The following WT1 variants were observed in gnomAD, a reference collection of about 807,000 sequenced individuals.
WT1 encodes the protein WT1 transcription factor.
A neutral mutation model predicts 60.8 loss-of-function variants in WT1; 8 were observed. That is an observed-to-expected ratio of 0.13 (90% CI 0.08 to 0.24). WT1 has a LOEUF of 0.24. Among genes scored for constraint, WT1 ranks in the 10% least tolerant of loss-of-function variants. WT1 has a pLI of 1.00. For synonymous variants in WT1, 312 were observed against 297.1 expected (o/e 1.05, Z -0.52); for missense variants, 568 against 711.8 (o/e 0.80, Z 2.30).
chr11:32,407,463 T>C (rs1444823479), intron 5 of WT1, among the ~76,000 whole-genome samples: 1 of 152,190 alleles, frequency 6.6e-6, no homozygotes, highest in Non-Finnish European at 1.5e-5. Flanking sequence ...AGCATTCATA[T>C]GAATATTCAA....
In WT1 at chr11:32,434,969, G is replaced by T. The variant is rs1443423967; in HGVS notation, c.392C>A (p.Pro131Gln). The change falls in exon 1 of 10, where the codon CCG (proline) becomes CAG (glutamine). Residue 131 changes from proline to glutamine, a missense_variant. Coordinates refer to ENST00000452863, the MANE Select transcript of WT1 (RefSeq NM_024426.6). ...CGGCGGCGGGGGTGGCGGCGGAGCC[G>T]GTGGCGGCGCGGGGCCGCCCAACGA... 6.5e-7 allele frequency: 1 copy of T among 1,539,630 alleles called. No homozygotes were observed. Among genetic ancestry groups the T allele is most frequent in the South Asian group, 1.2e-5 (1 of 84,238 alleles).
intron 1 of WT1, among the ~76,000 whole-genome samples, chr11:32,434,433 C>T (rs1853416386): frequency 6.6e-6 from 1 of 152,258 alleles, no homozygotes; most frequent in African/African-American, 2.4e-5. Flanking sequence ...CTCTCGGACT[C>T]TAAGGGGCCC....
At chr11:32,429,474 C>G (rs988731617) in intron 1 of WT1, among the ~76,000 whole-genome samples, 8 of 140,058 alleles carry the variant, frequency 5.7e-5, no homozygotes, top group East Asian at 4.3e-4. Flanking sequence ...CCCCCCCCCC[C>G]CAAAGTGAGA....
At chr11:32,401,510 G>C (rs1393666670) in intron 5 of WT1, among the ~76,000 whole-genome samples, 1 of 151,808 alleles carries the variant, frequency 6.6e-6, no homozygotes, top group Non-Finnish European at 1.5e-5. Flanking sequence ...ATTATCGGGG[G>C]GGGGTGTGGT....
intron 2 of WT1, among the ~76,000 whole-genome samples, chr11:32,428,295 T>TG (rs1853132185): frequency 6.6e-6 from 1 of 152,244 alleles, no homozygotes; most frequent in Non-Finnish European, 1.5e-5. Context: ...TAGACTTAGT[T>TG]GGATGGCGAT....
In WT1 at chr11:32,428,809, CTTGGGA is replaced by C. The variant is rs1371108885; in HGVS notation, c.662-196_662-191del. The C allele has an allele frequency of 3.2e-5, 26 of 819,136 alleles. No individual in the cohort carries two copies. In the African/African-American group the frequency reaches 3.9e-4, roughly 12 times the overall value. 50.7% of individuals were successfully genotyped at this position (819,136 alleles called of 1,614,324 possible). A position where few individuals can be genotyped will look rare whatever the true frequency, so the allele number is the denominator to read the frequency against. ...GACGGCCCAAGTCCCTGGATGTGACCTTGGGACAGGCTTCTCCATCCTTTTCTGACT... is the reference window on the plus strand; with the variant it reads ...GACGGCCCAAGTCCCTGGATGTGACCCAGGCTTCTCCATCCTTTTCTGACT... On this transcript the variant is annotated intron_variant, in intron 1 of 9. Transcript: ENST00000452863.
At chr11:32,416,079 G>A (rs370356248) in intron 5 of WT1, among the ~76,000 whole-genome samples, 1 of 152,148 alleles carries the variant, frequency 6.6e-6, no homozygotes, top group South Asian at 2.1e-4. Flanking sequence ...TCAAAGCCTG[G>A]CCTCAGACTT....
At chr11:32,429,462 T>TTCCCC (rs1491447843) in intron 1 of WT1, among the ~76,000 whole-genome samples, 1 of 124,630 alleles carries the variant, frequency 8.0e-6, no homozygotes, top group Non-Finnish European at 1.7e-5. Context: ...ATCCTAGCAT[T>TTCCCC]CCCCCCCCCC....
At chr11:32,419,257 G>C (rs1361581193) in intron 3 of WT1, among the ~76,000 whole-genome samples, 1 of 152,186 alleles carries the variant, frequency 6.6e-6, no homozygotes, top group African/African-American at 2.4e-5. Flanking sequence ...TCTTTGGGCT[G>C]ACAGTTCATT....
intron 6 of WT1, among the ~76,000 whole-genome samples, chr11:32,396,809 T>A (rs1286714443): frequency 6.6e-6 from 1 of 151,980 alleles, no homozygotes; most frequent in Non-Finnish European, 1.5e-5. Context: ...CCACTTGGAG[T>A]CATGACCACA....
chr11:32,420,332 C>A (rs564076201), intron 3 of WT1, among the ~76,000 whole-genome samples: 34 of 152,128 alleles, frequency 2.2e-4, no homozygotes, highest in Non-Finnish European at 4.0e-4. Flanking sequence ...CCCTGCCCCT[C>A]AGTTTTCTCA....
At chr11:32,430,455 GGAGAGA>G (rs529663782) in intron 1 of WT1, 70,920 of 864,218 alleles carry the variant, frequency 0.082, 82 homozygotes, top group South Asian at 0.093. Flanking sequence ...AGAGAGGGAG[GGAGAGA>G]GAGAGAGAGA....
rs760219458 is a variant in WT1, at chr11:32,417,601, A to G, written c.941T>C (p.Met314Thr). 1 of 1,614,098 alleles carries G rather than the reference A, an allele frequency of 6.2e-7. No homozygotes were observed. Residue 314 changes from methionine (M) to threonine (T), a missense_variant, in exon 4 of 10, where the codon ATG (methionine) becomes ACG (threonine). Met to Thr is a moderately conservative substitution (Grantham distance 81). Transcript: ENST00000452863. ...CCCCTTTAAGGTGGCTCCTAAGTTCATCTGATTCCAGGTCATGCATTCAAG... is the reference window on the plus strand; with the variant it reads ...CCCCTTTAAGGTGGCTCCTAAGTTCGTCTGATTCCAGGTCATGCATTCAAG...
At position 32,394,145 on chromosome 11, in the gene WT1, C is replaced by T. The variant is rs142369964; in HGVS notation, c.1265-1390G>A. Among the ~76,000 whole-genome samples the T allele has an allele frequency of 6.5e-3, 997 of 152,270 alleles. 6 individuals carry two copies. Among genetic ancestry groups the T allele is most frequent in the African/African-American group, 0.023 (961 of 41,552 alleles). ...ACCCCTTAAGCAATCCTCCCGCCTA[C>T]GCCTCCCAACATACTGGGATTACAG... On this transcript the variant is annotated intron_variant, in intron 7 of 9. Coordinates refer to ENST00000452863, the MANE Select transcript of WT1 (RefSeq NM_024426.6).
rs75870920 is a variant in WT1, at chr11:32,430,792, C to T, written c.662-2173G>A. The T allele has an allele frequency of 7.0e-3, 9,141 of 1,313,852 alleles. 506 individuals carry two copies. The African/African-American group carries it at 0.12, about 17-fold the overall frequency. 81.4% of individuals were successfully genotyped at this position (1,313,852 alleles called of 1,614,324 possible). A position where few individuals can be genotyped will look rare whatever the true frequency, so the allele number is the denominator to read the frequency against. The stretch of plus-strand genomic sequence containing the variant: ...TCAAACCCTCTCCTTCAGGTCCCCC[C>T]GGGAGGGGCAGTGGTGAAAGCGCCT... On this transcript the variant is annotated intron_variant, in intron 1 of 9. Transcript: ENST00000452863.
In WT1 at chr11:32,426,684, GA is replaced by G. The variant is rs1286945166; in HGVS notation, c.887+1271del. Among the ~76,000 whole-genome samples, 31 of 151,018 alleles carry G rather than the reference GA, an allele frequency of 2.1e-4. No individual in the cohort carries two copies. The Middle Eastern group carries it at 0.01, about 51-fold the overall frequency. On this transcript the variant is annotated intron_variant, in intron 3 of 9. Coordinates refer to ENST00000452863, the MANE Select transcript of WT1 (RefSeq NM_024426.6). ...AATAGATAAACCGGATGTTCCGGGG[GA>G]AAAAAAGGAAAAAAAAAGGTTTCTC...
intron 5 of WT1, among the ~76,000 whole-genome samples, chr11:32,414,210 CT>C (rs1852592487): frequency 1.3e-5 from 2 of 152,182 alleles, no homozygotes; most frequent in African/African-American, 2.4e-5. Flanking sequence ...CCATCTAGCC[CT>C]TTTTATAACA....
rs957702823 is a variant in WT1 at position 32,405,338 on chromosome 11, G to T, written c.1017-5294C>A. On this transcript the variant is annotated intron_variant, in intron 5 of 9. Transcript: ENST00000452863. ...TTTTTTGAGAGCACCTGAGTTATAA[G>T]TTCTTGCGAATAATTGAAATTTTAA... Among the ~76,000 whole-genome samples, 5 of 152,118 alleles carry T rather than the reference G, an allele frequency of 3.3e-5. No homozygotes were observed. The East Asian group carries it at 5.8e-4, about 18-fold the overall frequency.
rs761627098 is a variant in WT1, at chr11:32,400,009, G to T, written c.1052C>A (p.Thr351Lys). 6.2e-7 allele frequency: 1 copy of T among 1,614,118 alleles called. No homozygotes were observed. Among genetic ancestry groups the T allele is most frequent in the Non-Finnish European group, 8.5e-7 (1 of 1,180,048 alleles). Residue 351 changes from threonine to lysine, a missense_variant, in exon 6 of 10, where the codon ACG (threonine) becomes AAG (lysine). By Grantham distance (78) the Thr-to-Lys change is moderately conservative (BLOSUM62 -1). Coordinates refer to ENST00000452863, the MANE Select transcript of WT1 (RefSeq NM_024426.6). ...GTATTGGGCTCCGCAGAGGATGGGC[G>T]TTGTGTGGTTATCGCTCTCGTACCC...
Sources: allele counts gnomAD v4.1 joint callset (sites outside exome capture counted in the v4.1 genomes callset), GRCh38; gene constraint gnomAD v4.1.1; transcripts MANE v1.5; gene names NCBI Gene and HGNC (gene_info 2026-07-23, HGNC 2026-07-21).